Variants in PRIMPOL observed in about 807,000 individuals in gnomAD.
PRIMPOL encodes primase and DNA directed polymerase, also known as DNA-directed primase/polymerase protein.
Under a neutral mutation model 63.6 loss-of-function variants are expected in PRIMPOL, and 54 were observed. The ratio of observed to expected loss-of-function variants is 0.85; its 90% CI spans 0.68 to 1.07. The LOEUF is 1.07. Among genes scored for constraint, PRIMPOL ranks in the 50% least tolerant of loss-of-function variants. The probability of loss-of-function intolerance (pLI) is 0.00; values close to 1 mark genes in which losing one functional copy is unlikely to be tolerated. For missense variants in PRIMPOL, 610 were observed against 648.3 expected (o/e 0.94, Z 0.64); for synonymous variants, 197 against 220.2 (o/e 0.89, Z 0.93).
intron 13 of PRIMPOL, among the ~76,000 whole-genome samples, chr4:184,693,658 A>T (rs1209550783): frequency 6.6e-6 from 1 of 152,186 alleles, no homozygotes; most frequent in African/African-American, 2.4e-5. Flanking sequence ...ACAGAAATGT[A>T]CAAGAATAAG....
chr4:184,685,127 T>C (rs1202590631), intron 9 of PRIMPOL, among the ~76,000 whole-genome samples: 2 of 152,044 alleles, frequency 1.3e-5, no homozygotes, highest in African/African-American at 4.8e-5. Flanking sequence ...GCTAGGCCTG[T>C]TATGGACGTG....
rs537335503 is a variant in PRIMPOL, at chr4:184,667,704, C to T, written c.556+1640C>T. Among the ~76,000 whole-genome samples, 248 of 152,270 alleles carry T rather than the reference C, an allele frequency of 1.6e-3. 2 individuals carry two copies. The highest frequency in any genetic ancestry group is 6.8e-3 in the Middle Eastern group (2 of 294). On this transcript the variant is annotated intron_variant, in intron 6 of 13. Transcript: ENST00000314970. Reference sequence around the variant, plus strand: ...ACAGCAGGTAATTTATCTCCTAGCACGCAAGTCCCTCCCCCAGTTCCTCAT... The same window carrying T: ...ACAGCAGGTAATTTATCTCCTAGCATGCAAGTCCCTCCCCCAGTTCCTCAT...
At chr4:184,654,161 A>G (rs904363858) in intron 2 of PRIMPOL, among the ~76,000 whole-genome samples, 1 of 152,224 alleles carries the variant, frequency 6.6e-6, no homozygotes, top group African/African-American at 2.4e-5. Context: ...ACAATTTTTC[A>G]TGATAAAATT....
chr4:184,659,258 C>A, intron 3 of PRIMPOL, 82 bp from the exon 4 acceptor site: 3 of 997,620 alleles, frequency 3.0e-6, no homozygotes, highest in African/African-American at 1.6e-5. Flanking sequence ...ATGAAAAATT[C>A]TTTATGAACA....
chr4:184,664,612 C>T (rs1333310277), intron 5 of PRIMPOL, among the ~76,000 whole-genome samples: 1 of 152,160 alleles, frequency 6.6e-6, no homozygotes, highest in African/African-American at 2.4e-5. Flanking sequence ...CGCCCTTTGC[C>T]TGTTAGAGGA....
chr4:184,661,530 A>G (rs1748301540), intron 4 of PRIMPOL, among the ~76,000 whole-genome samples: 1 of 152,088 alleles, frequency 6.6e-6, no homozygotes, highest in Admixed American at 6.6e-5. Context: ...AACATGGCGT[A>G]AACCCTGTCT....
At chr4:184,673,112 A>C (rs1229810124) in intron 7 of PRIMPOL, among the ~76,000 whole-genome samples, 1 of 148,510 alleles carries the variant, frequency 6.7e-6, no homozygotes. Context: ...AAAAGCCATG[A>C]CAGCAGCAGG....
At chr4:184,650,355 T>C (rs1002061771) in intron 1 of PRIMPOL, among the ~76,000 whole-genome samples, 3 of 152,250 alleles carry the variant, frequency 2.0e-5, no homozygotes, top group African/African-American at 7.2e-5. Flanking sequence ...GAGGTCCTTC[T>C]GCAAAGACGG....
At chr4:184,671,987 G>T (rs372055605) in intron 6 of PRIMPOL, among the ~76,000 whole-genome samples, 186 bp from the exon 7 acceptor site, 3 of 152,004 alleles carry the variant, frequency 2.0e-5, no homozygotes, top group East Asian at 1.9e-4. Context: ...TGATCCGCCC[G>T]CCTCGGCCTC....
chr4:184,669,429 G>A (rs771591219), intron 6 of PRIMPOL, among the ~76,000 whole-genome samples: 2 of 152,202 alleles, frequency 1.3e-5, no homozygotes, highest in Admixed American at 6.5e-5. Flanking sequence ...CAAATGAAGC[G>A]TGAATAGTGA....
At chr4:184,694,320 G>A in intron 13 of PRIMPOL, 1 of 1,337,694 alleles carries the variant, frequency 7.5e-7, no homozygotes. Context: ...AGTTTCAAGT[G>A]TGTCTGAGCT....
Position 184,682,308 on chromosome 4 carries a change from TG to T in PRIMPOL, c.1070del (p.Gly357AspfsTer10). On this transcript the variant is annotated frameshift_variant, in exon 9 of 14. Transcript: ENST00000314970. LOFTEE classifies it high-confidence loss of function. The stretch of plus-strand genomic sequence containing the variant: ...CATCTCAGAATAAACAAAAAGGAGT[TG>T]GATATTTTAACAGTATCGGCACTTC... The part of the protein sequence containing the change: ...EPSQNKQKGV[G>X]YFNSIGTSVE... The T allele has an allele frequency of 6.2e-7, 1 of 1,601,060 alleles. No homozygotes were observed. The highest frequency in any genetic ancestry group is 1.1e-5 in the South Asian group (1 of 90,482).
chr4:184,688,157 C>G (rs1042011440), intron 11 of PRIMPOL, among the ~76,000 whole-genome samples: 2 of 152,160 alleles, frequency 1.3e-5, no homozygotes, highest in Admixed American at 6.5e-5. Flanking sequence ...TACATATCAC[C>G]TAGTATACAT....
At chr4:184,662,074 G>A (rs1037240166) in intron 5 of PRIMPOL, among the ~76,000 whole-genome samples, 171 bp downstream of exon 5, 1 of 152,100 alleles carries the variant, frequency 6.6e-6, no homozygotes, top group African/African-American at 2.4e-5. Context: ...ACTGTGAAAA[G>A]GAAGGAAAGT....
chr4:184,685,499 GTAAAGT>G lies in PRIMPOL; in HGVS notation c.1186+5_1186+10del. On this transcript the variant is annotated splice_donor_variant and splice_donor_5th_base_variant and intron_variant, in intron 10 of 13. Transcript: ENST00000314970. LOFTEE classifies it high-confidence loss of function. Reference sequence around the variant, plus strand: ...GTGAATAAAGATGGCATTAAAGGAGGTAAAGTTAATCTCATCCTTTGTTAACTGTTA... The same window carrying G: ...GTGAATAAAGATGGCATTAAAGGAGGTAATCTCATCCTTTGTTAACTGTTA... 1 of 1,603,612 alleles carries G rather than the reference GTAAAGT, an allele frequency of 6.2e-7. No individual in the cohort carries two copies. The highest frequency in any genetic ancestry group is 8.5e-7 in the Non-Finnish European group (1 of 1,170,416).
chr4:184,686,356 C>G (rs879348323), intron 11 of PRIMPOL, among the ~76,000 whole-genome samples: 4 of 152,050 alleles, frequency 2.6e-5, no homozygotes, highest in African/African-American at 9.7e-5. Context: ...ATGGACTCTA[C>G]GTCGAAAGTG....
intron 4 of PRIMPOL, 102 bp downstream of exon 4, chr4:184,659,539 C>T (rs550354955): frequency 3.2e-5 from 26 of 809,360 alleles, no homozygotes; most frequent in Admixed American, 1.6e-4. Flanking sequence ...TTCCACAGTT[C>T]GTGACCACAC....
At position 184,691,123 on chromosome 4, in the gene PRIMPOL, G is replaced by A. The variant is rs563662379; in HGVS notation, c.1296-376G>A. Reference sequence around the variant, plus strand: ...GTATCCTTATTGGACCTTTTTTGTGGTTATCCTTTGATCTATAAATTACTG... The same window carrying A: ...GTATCCTTATTGGACCTTTTTTGTGATTATCCTTTGATCTATAAATTACTG... On this transcript the variant is annotated intron_variant, in intron 11 of 13. Transcript: ENST00000314970. Among the ~76,000 whole-genome samples the A allele has an allele frequency of 4.0e-5, 6 of 149,550 alleles. No homozygotes were observed. In the South Asian group the frequency reaches 1.2e-3, roughly 31 times the overall value.
intron 11 of PRIMPOL, among the ~76,000 whole-genome samples, chr4:184,687,046 C>T (rs1228353098): frequency 6.6e-6 from 1 of 152,086 alleles, no homozygotes; most frequent in African/African-American, 2.4e-5. Flanking sequence ...TGGAATATAT[C>T]ATACATACAA....
Sources: gnomAD v4.1 joint callset for allele counts (sites outside exome capture counted in the v4.1 genomes callset) on GRCh38, gnomAD v4.1.1 for gene constraint, MANE v1.5 for transcripts, NCBI Gene and HGNC (gene_info 2026-07-23, HGNC 2026-07-21) for gene names.